HYDIN: variants seen among roughly 807,000 people sequenced by gnomAD.
HYDIN encodes the protein HYDIN axonemal central pair apparatus protein.
HYDIN carries 132 observed loss-of-function variants against 403.9 expected under a neutral mutation model. The observed-to-expected ratio is 0.33, with a 90% confidence interval of 0.28 to 0.38. The LOEUF is 0.38. HYDIN is among the 10% of genes least tolerant of loss of function. The probability of loss-of-function intolerance (pLI) is 1.00; values close to 1 mark genes in which losing one functional copy is unlikely to be tolerated. For missense variants in HYDIN, 2,827 were observed against 5,009.5 expected, an observed-to-expected ratio of 0.56 and a Z score of 13.15; for synonymous variants, 1,202 against 1,891.7, an observed-to-expected ratio of 0.64 and a Z score of 9.46.
At chr16:70,819,952 C>T (rs1444129527) in intron 83 of HYDIN, among the ~76,000 whole-genome samples, 3 of 148,586 alleles carry the variant, frequency 2.0e-5, no homozygotes, top group Non-Finnish European at 3.0e-5. Flanking sequence ...GGACTACAGG[C>T]GTCCGCCATC....
chr16:71,115,056 C>T (rs1054007564), intron 10 of HYDIN, among the ~76,000 whole-genome samples: 2 of 150,428 alleles, frequency 1.3e-5, no homozygotes, highest in Non-Finnish European at 3.0e-5. Context: ...ATTTTTACTG[C>T]TCTAAGAGCC....
rs200168000 is a variant in HYDIN, at chr16:71,081,719, A to G, written c.1671-1767T>C. Among the ~76,000 whole-genome samples, 109 of 149,546 alleles carry G rather than the reference A, an allele frequency of 7.3e-4. 2 individuals carry two copies. In the East Asian group the frequency reaches 0.019, roughly 26 times the overall value. On this transcript the variant is annotated intron_variant, in intron 12 of 85. Coordinates refer to ENST00000393567, the MANE Select transcript of HYDIN (RefSeq NM_001270974.2). ...CACATTAATTCTCACAGGGATTCAGAATGTTAGGACAATCTATGCCAAGGC... is the reference window on the plus strand; with the variant it reads ...CACATTAATTCTCACAGGGATTCAGGATGTTAGGACAATCTATGCCAAGGC...
At chr16:71,058,921 C>T (rs564259954) in intron 18 of HYDIN, among the ~76,000 whole-genome samples, 1 of 152,098 alleles carries the variant, frequency 6.6e-6, no homozygotes, top group Non-Finnish European at 1.5e-5. Context: ...ATTACCTGCA[C>T]TTAATAACTA....
intron 84 of HYDIN, among the ~76,000 whole-genome samples, chr16:70,817,805 A>G (rs2035939737): frequency 6.6e-6 from 1 of 152,016 alleles, no homozygotes; most frequent in South Asian, 2.1e-4. Context: ...GCAGTGGCAC[A>G]GTCTCGGCTC....
At chr16:70,874,774 A>G (rs1242996185) in intron 63 of HYDIN, 43 bp downstream of exon 63, 1 of 1,587,600 alleles carries the variant, frequency 6.3e-7, no homozygotes, top group Non-Finnish European at 8.6e-7. Context: ...TGAAGCAGCT[A>G]CTGAGATCCA....
Position 71,215,130 on chromosome 16 carries a change from A to G in HYDIN, c.-24+15432T>C, listed in dbSNP as rs189691650. On this transcript the variant is annotated intron_variant, in intron 1 of 85. Coordinates refer to ENST00000393567, the MANE Select transcript of HYDIN (RefSeq NM_001270974.2). Reference sequence around the variant, plus strand: ...AGAGGCCAACTTGCAGGGTTCTCCCATTGGCCAAAGACAGGATAAAACTAA... The same window carrying G: ...AGAGGCCAACTTGCAGGGTTCTCCCGTTGGCCAAAGACAGGATAAAACTAA... Among the ~76,000 whole-genome samples the G allele has an allele frequency of 2.9e-3, 440 of 152,264 alleles. 1 individual carries two copies. Among genetic ancestry groups the G allele is most frequent in the Non-Finnish European group, 4.5e-3 (305 of 68,022 alleles).
intron 11 of HYDIN, among the ~76,000 whole-genome samples, chr16:71,089,775 AGAT>A (rs2083054743): frequency 1.3e-5 from 2 of 152,082 alleles, no homozygotes; most frequent in Admixed American, 6.6e-5. Flanking sequence ...TGTTTTGAGA[AGAT>A]GAGTGGTGAA....
At chr16:71,027,162 A>G (rs2080736566) in intron 20 of HYDIN, 3 of 1,040,486 alleles carry the variant, frequency 2.9e-6, no homozygotes, top group Non-Finnish European at 3.5e-6. Context: ...GATGTTTTGA[A>G]ATGTGAGTTG....
In HYDIN at chr16:71,152,921, C is replaced by T. The variant is rs543685203; in HGVS notation, c.717-138G>A. On this transcript the variant is annotated intron_variant, in intron 6 of 85. Coordinates refer to ENST00000393567, the MANE Select transcript of HYDIN (RefSeq NM_001270974.2). Reference sequence around the variant, plus strand: ...TTTCATGATCTAGAAGTGAAGTAGACTTTTGCTACCTAATGTGAAAGAACT... The same window carrying T: ...TTTCATGATCTAGAAGTGAAGTAGATTTTTGCTACCTAATGTGAAAGAACT... 1.5e-4 allele frequency: 95 copies of T among 627,884 alleles called. No homozygotes were observed. The African/African-American group carries it at 1.6e-3, about 11-fold the overall frequency. The allele number at this position is 627,884 out of a possible 1,614,324, so 38.9% of individuals were successfully genotyped here. A position where few individuals can be genotyped will look rare whatever the true frequency, so the allele number is the denominator to read the frequency against.
At chr16:70,933,154 CG>C (rs1200050980) in intron 45 of HYDIN, among the ~76,000 whole-genome samples, 8 of 151,866 alleles carry the variant, frequency 5.3e-5, no homozygotes, top group African/African-American at 1.7e-4. Flanking sequence ...ACAGCAAAGA[CG>C]GGTGAGACAG....
At chr16:71,047,325 C>T (rs2081482202) in intron 18 of HYDIN, among the ~76,000 whole-genome samples, 1 of 152,052 alleles carries the variant, frequency 6.6e-6, no homozygotes, top group Non-Finnish European at 1.5e-5. Context: ...TTAAGTAACA[C>T]TCTATCAATA....
At chr16:71,119,869 G>A (rs1476089) in intron 9 of HYDIN, among the ~76,000 whole-genome samples, 52,405 of 150,458 alleles carry the variant, frequency 0.35, 9,977 homozygotes, top group East Asian at 0.74. Context: ...CCAGTTTCAC[G>A]TCTTTGAAAG....
intron 29 of HYDIN, among the ~76,000 whole-genome samples, chr16:70,980,568 A>G (rs2079017535): frequency 6.7e-6 from 1 of 149,332 alleles, no homozygotes; most frequent in African/African-American, 2.4e-5. Context: ...ATATATATAT[A>G]TGCAAGTTTT....
intron 1 of HYDIN, chr16:71,203,657 A>G (rs2088140301): frequency 4.5e-6 from 2 of 444,258 alleles, no homozygotes; most frequent in Non-Finnish European, 9.0e-6. Context: ...GTAACCCAGG[A>G]CAGGTAATTC....
At chr16:71,102,690 T>C (rs1201684086) in intron 10 of HYDIN, among the ~76,000 whole-genome samples, 1 of 151,906 alleles carries the variant, frequency 6.6e-6, no homozygotes, top group Non-Finnish European at 1.5e-5. Flanking sequence ...AAATGTGTTA[T>C]GCATTATCAG....
intron 1 of HYDIN, among the ~76,000 whole-genome samples, chr16:71,198,340 C>T (rs1255059026): frequency 6.6e-6 from 1 of 152,170 alleles, no homozygotes; most frequent in Non-Finnish European, 1.5e-5. Flanking sequence ...TTGCAAATGT[C>T]TTTCCATGCA....
At position 70,803,258 on chromosome 16, in the gene HYDIN, AC is replaced by A. The variant is rs2034972081; in HGVS notation, c.*4321del. On this transcript the variant is annotated 3_prime_UTR_variant, in exon 86 of 86. Coordinates refer to ENST00000393567, the MANE Select transcript of HYDIN (RefSeq NM_001270974.2). The stretch of plus-strand genomic sequence containing the variant: ...TTATTCAAGGCCCAGACCAATGCCT[AC>A]CTTTAGGTCAGAAGTTCCTAGAAAG... Among the ~76,000 whole-genome samples the A allele has an allele frequency of 3.9e-5, 6 of 152,274 alleles. No homozygotes were observed. The South Asian group carries it at 1.2e-3, about 32-fold the overall frequency.
At chr16:70,975,066 C>CA (rs2078849238) in intron 31 of HYDIN, 70 bp downstream of exon 31, 1 of 380,404 alleles carries the variant, frequency 2.6e-6, no homozygotes, top group Non-Finnish European at 4.6e-6. Context: ...CTGCACGAGG[C>CA]AGCACTGCTT....
intron 52 of HYDIN, among the ~76,000 whole-genome samples, chr16:70,902,821 A>ATATTTTTTTTTTTT: frequency 2.1e-5 from 1 of 47,308 alleles, no homozygotes; most frequent in Admixed American, 2.5e-4. Context: ...ATATATATAT[A>ATATTTTTTTTTTTT]TTTTTTTTTT....
Sources: allele counts gnomAD v4.1 joint callset (sites outside exome capture counted in the v4.1 genomes callset), GRCh38; gene constraint gnomAD v4.1.1; transcripts MANE v1.5; gene names NCBI Gene and HGNC (gene_info 2026-07-23, HGNC 2026-07-21).